The following KIAA1958 variants were observed in gnomAD, a reference collection of about 807,000 sequenced individuals.
KIAA1958 encodes KIAA1958.
Under a neutral mutation model 47.2 loss-of-function variants are expected in KIAA1958, and 14 were observed. The observed-to-expected ratio is 0.30, with a 90% CI of 0.20 to 0.46. The LOEUF (loss-of-function observed/expected upper bound fraction) is 0.46. Ranked by LOEUF, KIAA1958 falls within the 20% of genes least tolerant of loss-of-function variation. The pLI, the probability that KIAA1958 is intolerant of heterozygous loss-of-function variation, is 1.00. For synonymous variants in KIAA1958, 354 were observed against 353.3 expected (o/e 1.00, Z -0.02); for missense variants, 803 against 909.2 (o/e 0.88, Z 1.50).
intron 1 of KIAA1958, among the ~76,000 whole-genome samples, chr9:112,571,894 CTTT>C (rs35308071): frequency 8.5e-5 from 12 of 141,618 alleles, no homozygotes; most frequent in Admixed American, 1.4e-4. Flanking sequence ...CAATCTATGT[CTTT>C]TTTTTTTTTT....
chr9:112,559,679 C>G (rs958975166), intron 1 of KIAA1958, among the ~76,000 whole-genome samples: 1 of 152,202 alleles, frequency 6.6e-6, no homozygotes, highest in African/African-American at 2.4e-5. Context: ...TTATGAGACA[C>G]TGTTACTCTG....
intron 1 of KIAA1958, among the ~76,000 whole-genome samples, chr9:112,487,763 C>G (rs1449992654): frequency 6.6e-6 from 1 of 151,914 alleles, no homozygotes; most frequent in African/African-American, 2.4e-5. Flanking sequence ...TGTTTGTTAT[C>G]AAATATATCG....
chr9:112,535,034 T>C (rs962706875), intron 1 of KIAA1958, among the ~76,000 whole-genome samples: 3 of 152,264 alleles, frequency 2.0e-5, no homozygotes, highest in Admixed American at 6.5e-5. Flanking sequence ...TTTTGATACA[T>C]GTATGCATTG....
At chr9:112,544,222 C>G (rs1834991814) in intron 1 of KIAA1958, among the ~76,000 whole-genome samples, 1 of 152,164 alleles carries the variant, frequency 6.6e-6, no homozygotes, top group Non-Finnish European at 1.5e-5. Context: ...TGAAAAGTTT[C>G]AAAATTTTTC....
chr9:112,647,895 A>G (rs563649211), intron 3 of KIAA1958, among the ~76,000 whole-genome samples: 6 of 152,386 alleles, frequency 3.9e-5, no homozygotes, highest in Non-Finnish European at 7.3e-5. Flanking sequence ...ATCACAGTTT[A>G]GAAAGGCTGA....
At chr9:112,633,328 T>A (rs1836743576) in intron 2 of KIAA1958, among the ~76,000 whole-genome samples, 1 of 152,160 alleles carries the variant, frequency 6.6e-6, no homozygotes, top group African/African-American at 2.4e-5. Flanking sequence ...GGGGGGATTT[T>A]AATTAGAATT....
chr9:112,525,781 T>C (rs1564159292), intron 1 of KIAA1958, among the ~76,000 whole-genome samples: 1 of 151,332 alleles, frequency 6.6e-6, no homozygotes, highest in African/African-American at 2.4e-5. Context: ...ACTTATTACA[T>C]TGCATAACCA....
intron 2 of KIAA1958, among the ~76,000 whole-genome samples, chr9:112,628,405 G>A (rs138941209): frequency 1.1e-3 from 175 of 152,310 alleles, no homozygotes; most frequent in African/African-American, 3.9e-3. Flanking sequence ...TTTTAACTGT[G>A]AGCCTCTTCT....
chr9:112,591,108 G>A (rs2131190205), intron 2 of KIAA1958, among the ~76,000 whole-genome samples: 1 of 152,238 alleles, frequency 6.6e-6, no homozygotes, highest in African/African-American at 2.4e-5. Context: ...TTTCGAGACA[G>A]AGTCTCGCTC....
In KIAA1958 at chr9:112,664,520, G is replaced by A. The variant is rs1837325443; in HGVS notation, c.*4451G>A. 6.6e-6 allele frequency: 1 copy of A among 152,186 alleles called. No individual in the cohort carries two copies. The highest frequency in any genetic ancestry group is 1.5e-5 in the Non-Finnish European group (1 of 68,036). The allele number at this position is 152,186 out of a possible 1,614,324, so 9.4% of individuals were successfully genotyped here. A position where few individuals can be genotyped will look rare whatever the true frequency, so the allele number is the denominator to read the frequency against. ...CTACATGATCTCCAATGTAGTCTCA[G>A]ATAAGGCCCATACATAGTTAAAAGC... is the stretch of plus-strand genomic sequence containing the variant. On this transcript the variant is annotated 3_prime_UTR_variant, in exon 4 of 4. Transcript: ENST00000337530.
At chr9:112,585,501 C>T (rs1166890571) in intron 2 of KIAA1958, among the ~76,000 whole-genome samples, 1 of 152,194 alleles carries the variant, frequency 6.6e-6, no homozygotes, top group African/African-American at 2.4e-5. Flanking sequence ...AAAGGCTGTG[C>T]ATGTGATGTC....
chr9:112,551,524 T>G (rs891032883), intron 1 of KIAA1958, among the ~76,000 whole-genome samples: 1 of 152,256 alleles, frequency 6.6e-6, no homozygotes, highest in African/African-American at 2.4e-5. Context: ...AAAGTATTTT[T>G]TAAAAATCTT....
Position 112,487,019 on chromosome 9 carries a change from G to A in KIAA1958, c.-124G>A. 1.1e-5 allele frequency: 2 copies of A among 184,898 alleles called. No homozygotes were observed. The highest frequency in any genetic ancestry group is 1.1e-5 in the Non-Finnish European group (1 of 89,784). 11.5% of individuals were successfully genotyped at this position (184,898 alleles called of 1,614,324 possible). A position where few individuals can be genotyped will look rare whatever the true frequency, so the allele number is the denominator to read the frequency against. On this transcript the variant is annotated 5_prime_UTR_variant, in exon 1 of 4. Coordinates refer to ENST00000337530, the MANE Select transcript of KIAA1958 (RefSeq NM_133465.4). ...CTCTGGCCGCTCTCCTCCCGCCCTC[G>A]CGCCCCTTCGGCCCGTCCCGTCCAG...
intron 2 of KIAA1958, among the ~76,000 whole-genome samples, chr9:112,597,317 A>G (rs1836049048): frequency 6.6e-6 from 1 of 152,152 alleles, no homozygotes; most frequent in South Asian, 2.1e-4. Flanking sequence ...AGTTCTCACA[A>G]CTCTCTGAAG....
At chr9:112,521,539 A>G (rs1234536247) in intron 1 of KIAA1958, among the ~76,000 whole-genome samples, 2 of 152,122 alleles carry the variant, frequency 1.3e-5, no homozygotes, top group African/African-American at 2.4e-5. Context: ...ATTAATTAGA[A>G]TAATATTTTT....
chr9:112,521,961 C>CTTTATTTATTTA (rs146357893), intron 1 of KIAA1958, among the ~76,000 whole-genome samples: 52,805 of 146,306 alleles, frequency 0.36, 9,807 homozygotes, highest in Middle Eastern at 0.64. Context: ...TTTTAAATAA[C>CTTTATTTATTTA]TTTATTTATT....
intron 2 of KIAA1958, among the ~76,000 whole-genome samples, chr9:112,630,641 A>T (rs1836694254): frequency 6.6e-6 from 1 of 152,088 alleles, no homozygotes; most frequent in Admixed American, 6.5e-5. Flanking sequence ...GCCGAATAGG[A>T]ATGGTTCTCC....
intron 2 of KIAA1958, among the ~76,000 whole-genome samples, chr9:112,615,057 C>A (rs1836387650): frequency 6.6e-6 from 1 of 152,130 alleles, no homozygotes; most frequent in South Asian, 2.1e-4. Flanking sequence ...TAAATTGACA[C>A]CCAAAGGTTT....
In KIAA1958 at chr9:112,618,837, C is replaced by T. The variant is rs968938478; in HGVS notation, c.1172-26813C>T. On this transcript the variant is annotated intron_variant, in intron 2 of 3. Coordinates refer to ENST00000337530, the MANE Select transcript of KIAA1958 (RefSeq NM_133465.4). This position sits in a 1 kb window ranked among gnomAD's most constrained non-coding sequence, Gnocchi z 7.1. ...TGTAACAATCTGAGCCAGCAGGCTG[C>T]CCAGTCAGTGGCCGGCCACTCCAAC... The T allele has an allele frequency of 2.6e-6, 4 of 1,550,406 alleles. No homozygotes were observed. The highest frequency in any genetic ancestry group is 1.7e-4 in the Middle Eastern group (1 of 6,016).
Sources: gnomAD v4.1 joint callset for allele counts (sites outside exome capture counted in the v4.1 genomes callset) on GRCh38, gnomAD v4.1.1 for gene constraint, Gnocchi (gnomAD v3.1) non-coding constraint, MANE v1.5 for transcripts, NCBI Gene and HGNC (gene_info 2026-07-23, HGNC 2026-07-21) for gene names.